RSU1: variants seen among roughly 807,000 people sequenced by gnomAD.
The protein encoded by RSU1 is Ras suppressor protein 1, also known as rsu-1.
Under a neutral mutation model 31.1 loss-of-function variants are expected in RSU1, and 26 were observed. The observed-to-expected ratio is 0.84, with a 90% confidence interval of 0.61 to 1.16. RSU1 has a LOEUF of 1.16. Ranked by LOEUF, RSU1 falls within the 50% of genes most tolerant of loss-of-function variation. The pLI is 0.00. For missense variants in RSU1, 320 were observed against 339.1 expected (o/e 0.94, Z 0.44); for synonymous variants, 164 against 136.3 (o/e 1.20, Z -1.41).
chr10:16,726,904 T>A (rs1198230061), intron 7 of RSU1: 3 of 377,860 alleles, frequency 7.9e-6, no homozygotes, highest in Admixed American at 3.0e-5. Flanking sequence ...AAATCCACCA[T>A]GCAGAAGGGC....
rs1401825306 is a variant in RSU1 at position 16,727,236 on chromosome 10, T to G, written c.598+25303A>C. On this transcript the variant is annotated intron_variant, in intron 7 of 8. Coordinates refer to ENST00000345264, the MANE Select transcript of RSU1 (RefSeq NM_012425.4). ...TGACGATGTTCCGCCTGGCTGCATC[T>G]TTTGTTATAATTTCACAGAGGAGAT... 1.2e-5 allele frequency: 5 copies of G among 427,006 alleles called. No individual in the cohort carries two copies. In the Admixed American group the frequency reaches 1.2e-4, roughly 11 times the overall value. 26.5% of individuals were successfully genotyped at this position (427,006 alleles called of 1,614,324 possible).
rs1388348282 is a variant in RSU1, at chr10:16,644,111, G to C, written c.732-50615C>G. ...TAAGGTGGGCAGAGGGTGGTGGGGG[G>C]GGGTCCTAGAACCAATCCCCTATGG... On this transcript the variant is annotated intron_variant, in intron 8 of 8. Transcript: ENST00000345264. 2.0e-5 allele frequency among the ~76,000 whole-genome samples: 3 copies of C among 151,756 alleles called. No homozygotes were observed. In the South Asian group the frequency reaches 6.3e-4, roughly 32 times the overall value.
chr10:16,771,406 A>G (rs1202898503), intron 3 of RSU1, among the ~76,000 whole-genome samples: 1 of 152,230 alleles, frequency 6.6e-6, no homozygotes, highest in Non-Finnish European at 1.5e-5. Flanking sequence ...AAGTAAAAGC[A>G]CAGCCTTTTT....
In RSU1 at chr10:16,691,379, GT is replaced by G. The variant is rs371190541; in HGVS notation, c.731+3643del. The stretch of plus-strand genomic sequence containing the variant: ...AACACAATAGCGGCATTTTTGTGCA[GT>G]TTTTTTTTTTTTTTTAATGATTAAG... On this transcript the variant is annotated intron_variant, in intron 8 of 8. Transcript: ENST00000345264. Among the ~76,000 whole-genome samples the G allele has an allele frequency of 5.7e-3, 760 of 133,798 alleles. 4 individuals are homozygous for G. Among genetic ancestry groups the G allele is most frequent in the African/African-American group, 0.014 (486 of 35,714 alleles). The allele number at this position is 133,798 out of a possible 152,430, so 87.8% of individuals were successfully genotyped here. A position where few individuals can be genotyped will look rare whatever the true frequency, so the allele number is the denominator to read the frequency against.
intron 8 of RSU1, among the ~76,000 whole-genome samples, chr10:16,607,116 TAGTG>T (rs763513023): frequency 2.9e-4 from 44 of 152,294 alleles, no homozygotes; most frequent in Non-Finnish European, 4.4e-4. Context: ...GTTCTCGTGA[TAGTG>T]AGTGAGTTCT....
At chr10:16,796,655 A>G (rs1321015788) in intron 2 of RSU1, among the ~76,000 whole-genome samples, 1 of 152,214 alleles carries the variant, frequency 6.6e-6, no homozygotes, top group African/African-American at 2.4e-5. Context: ...ATCAGATACT[A>G]CATACACATT....
chr10:16,730,021 G>A (rs945681753), intron 7 of RSU1, among the ~76,000 whole-genome samples: 16 of 152,204 alleles, frequency 1.1e-4, no homozygotes, highest in East Asian at 1.9e-4. Flanking sequence ...GAAGCATGGC[G>A]CCAGCATCTG....
At chr10:16,757,004 G>A (rs990600743) in intron 4 of RSU1, among the ~76,000 whole-genome samples, 13 of 149,834 alleles carry the variant, frequency 8.7e-5, no homozygotes, top group African/African-American at 3.2e-4. Flanking sequence ...GTGTGTTTGG[G>A]GGTGTGGTGG....
At chr10:16,753,539 C>T (rs898567103) in intron 5 of RSU1, among the ~76,000 whole-genome samples, 1 of 152,120 alleles carries the variant, frequency 6.6e-6, no homozygotes, top group Non-Finnish European at 1.5e-5. Context: ...ATTATTACTA[C>T]GTGTTTCTAC....
chr10:16,688,952 G>A (rs1835491759), intron 8 of RSU1, among the ~76,000 whole-genome samples: 1 of 147,744 alleles, frequency 6.8e-6, no homozygotes, highest in South Asian at 2.1e-4. Flanking sequence ...AGGCTGCAGT[G>A]AGCTATCATG....
intron 2 of RSU1, among the ~76,000 whole-genome samples, chr10:16,805,168 T>C (rs1231578968): frequency 2.0e-5 from 3 of 151,872 alleles, no homozygotes; most frequent in African/African-American, 7.3e-5. Flanking sequence ...GATCACACCA[T>C]TGCAATCCAG....
chr10:16,732,016 T>C (rs1429342831), intron 7 of RSU1, among the ~76,000 whole-genome samples: 1 of 152,176 alleles, frequency 6.6e-6, no homozygotes, highest in Non-Finnish European at 1.5e-5. Context: ...TTATAAACTC[T>C]GAGAACCAAC....
At chr10:16,620,463 G>T (rs1257845747) in intron 8 of RSU1, among the ~76,000 whole-genome samples, 2 of 151,932 alleles carry the variant, frequency 1.3e-5, no homozygotes, top group Non-Finnish European at 2.9e-5. Flanking sequence ...TCTACAGTGG[G>T]GGAACCAGAT....
chr10:16,657,666 C>T (rs1261991409), intron 8 of RSU1, among the ~76,000 whole-genome samples: 1 of 151,636 alleles, frequency 6.6e-6, no homozygotes, highest in Non-Finnish European at 1.5e-5. Flanking sequence ...GGTTATGCCT[C>T]CAGACAGCTT....
intron 2 of RSU1, among the ~76,000 whole-genome samples, chr10:16,815,962 A>G (rs2131284154): frequency 6.6e-6 from 1 of 152,314 alleles, no homozygotes; most frequent in East Asian, 1.9e-4. Flanking sequence ...AGCTGCATGG[A>G]AGGGTAAGGT....
intron 8 of RSU1, among the ~76,000 whole-genome samples, chr10:16,651,049 A>T (rs190390411): frequency 2.6e-5 from 4 of 152,326 alleles, no homozygotes; most frequent in Admixed American, 2.6e-4. Flanking sequence ...AGATAAATTA[A>T]TTTTTATTGT....
chr10:16,731,365 G>C (rs1272571483), intron 7 of RSU1, among the ~76,000 whole-genome samples: 1 of 150,786 alleles, frequency 6.6e-6, no homozygotes, highest in Non-Finnish European at 1.5e-5. Flanking sequence ...AGGAGGCGGA[G>C]CTTGCAGTGA....
chr10:16,695,700 A>C (rs897976362), intron 7 of RSU1, among the ~76,000 whole-genome samples: 2 of 152,320 alleles, frequency 1.3e-5, no homozygotes. Context: ...GATAAAGACT[A>C]ATTACCTTTT....
At chr10:16,704,738 C>A (rs191357778) in intron 7 of RSU1, among the ~76,000 whole-genome samples, 1 of 152,150 alleles carries the variant, frequency 6.6e-6, no homozygotes, top group Non-Finnish European at 1.5e-5. Flanking sequence ...TAGGTGAATA[C>A]ACTTTCTTTT....
Sources: allele counts gnomAD v4.1 joint callset (sites outside exome capture counted in the v4.1 genomes callset), GRCh38; gene constraint gnomAD v4.1.1; transcripts MANE v1.5; gene names NCBI Gene and HGNC (gene_info 2026-07-23, HGNC 2026-07-21).